Variants in POLR3B observed in about 807,000 individuals in gnomAD.
The protein encoded by POLR3B is RNA polymerase III subunit B.
Under a neutral mutation model 147.4 loss-of-function variants are expected in POLR3B, and 96 were observed. That is an observed-to-expected ratio of 0.65 (90% CI 0.55 to 0.77). The LOEUF is 0.77. Ranked by LOEUF, POLR3B falls within the 30% of genes least tolerant of loss-of-function variation. The probability of loss-of-function intolerance (pLI) is 0.00; values close to 1 mark genes in which losing one functional copy is unlikely to be tolerated. For synonymous variants in POLR3B, 461 were observed against 485.9 expected, an observed-to-expected ratio of 0.95 and a Z score of 0.67; for missense variants, 1,036 against 1,413.5, an observed-to-expected ratio of 0.73 and a Z score of 4.28.
intron 8 of POLR3B, among the ~76,000 whole-genome samples, chr12:106,379,830 A>T (rs957355118): frequency 2.0e-5 from 3 of 152,200 alleles, no homozygotes; most frequent in Non-Finnish European, 4.4e-5. Context: ...GTCAAAGAAA[A>T]ATTTATAGTG....
chr12:106,435,280 A>G lies in POLR3B; in HGVS notation c.1781+1408A>G, dbSNP rs143198516. 1.1e-3 allele frequency among the ~76,000 whole-genome samples: 154 copies of G among 140,906 alleles called. 1 individual carries two copies. The highest frequency in any genetic ancestry group is 2.1e-3 in the Non-Finnish European group (137 of 65,388). 92.4% of individuals were successfully genotyped at this position (140,906 alleles called of 152,430 possible). A position where few individuals can be genotyped will look rare whatever the true frequency, so the allele number is the denominator to read the frequency against. ...CCCCGTCCCTGACCCAGTAGCTGGG[A>G]TTACAGGCACACACCACTGCCCCTG... On this transcript the variant is annotated intron_variant, in intron 16 of 27. Transcript: ENST00000228347.
chr12:106,441,591 T>G (rs1285177696), intron 18 of POLR3B, among the ~76,000 whole-genome samples: 1 of 152,224 alleles, frequency 6.6e-6, no homozygotes, highest in Non-Finnish European at 1.5e-5. Context: ...CAAAATGTTA[T>G]GTGGTGTGTG....
At position 106,465,262 on chromosome 12, in the gene POLR3B, G is replaced by A. The variant is rs963628082; in HGVS notation, c.2713+1642G>A. On this transcript the variant is annotated intron_variant, in intron 23 of 27. Transcript: ENST00000228347. ...CTTACTTGGCCTCCTACTTGGACAA[G>A]AGCAAAGTTGATATTCTTCTTGTAA... Among the ~76,000 whole-genome samples the A allele has an allele frequency of 2.0e-5, 3 of 152,132 alleles. No individual in the cohort carries two copies. In the East Asian group the frequency reaches 5.8e-4, roughly 29 times the overall value.
intron 7 of POLR3B, among the ~76,000 whole-genome samples, 175 bp downstream of exon 7, chr12:106,376,625 C>CTTCCTTTTTTT (rs1555208963): frequency 5.6e-5 from 6 of 107,880 alleles, no homozygotes; most frequent in Non-Finnish European, 9.2e-5. Flanking sequence ...GTATTTCTTT[C>CTTCCTTTTTTT]TTTCTTTTTT....
chr12:106,500,527 G>A (rs2038581743), intron 25 of POLR3B, among the ~76,000 whole-genome samples: 1 of 152,210 alleles, frequency 6.6e-6, no homozygotes, highest in Non-Finnish European at 1.5e-5. Flanking sequence ...AGGGGCAAGT[G>A]CGCCAAAGGG....
intron 23 of POLR3B, among the ~76,000 whole-genome samples, chr12:106,471,654 C>T (rs1055565086): frequency 6.6e-6 from 1 of 152,054 alleles, no homozygotes; most frequent in African/African-American, 2.4e-5. Flanking sequence ...TTGTATTCTC[C>T]ATAAAGCCCA....
At chr12:106,365,280 C>T (rs912197057) in intron 2 of POLR3B, among the ~76,000 whole-genome samples, 3 of 152,140 alleles carry the variant, frequency 2.0e-5, no homozygotes, top group Non-Finnish European at 4.4e-5. Flanking sequence ...ATTTGAAAGC[C>T]GTGTTAAGGA....
At chr12:106,410,365 A>G (rs1353453093) in intron 11 of POLR3B, 7 of 158,682 alleles carry the variant, frequency 4.4e-5, no homozygotes, top group African/African-American at 1.7e-4. Flanking sequence ...TTACTAAATG[A>G]AATGTAGCCT....
At chr12:106,404,053 A>G (rs1414229362) in intron 10 of POLR3B, among the ~76,000 whole-genome samples, 1 of 150,486 alleles carries the variant, frequency 6.6e-6, no homozygotes, top group Non-Finnish European at 1.5e-5. Context: ...TGATTGTACC[A>G]TTTTGCATTT....
chr12:106,376,763 T>G (rs773777735), intron 7 of POLR3B, among the ~76,000 whole-genome samples: 6 of 152,102 alleles, frequency 3.9e-5, no homozygotes, highest in Non-Finnish European at 8.8e-5. Flanking sequence ...GACTACAGGC[T>G]TGTGCCACCA....
intron 10 of POLR3B, among the ~76,000 whole-genome samples, chr12:106,399,630 C>T (rs941037835): frequency 3.9e-5 from 6 of 152,220 alleles, no homozygotes; most frequent in Non-Finnish European, 5.9e-5. Flanking sequence ...GCGGATCTCT[C>T]AGCAGAAACT....
rs1445756594 is a variant in POLR3B, at chr12:106,439,937, T to C, written c.1955+2158T>C. Among the ~76,000 whole-genome samples, 3 of 152,096 alleles carry C rather than the reference T, an allele frequency of 2.0e-5. No homozygotes were observed. The East Asian group carries it at 5.8e-4, about 29-fold the overall frequency. On this transcript the variant is annotated intron_variant, in intron 18 of 27. Coordinates refer to ENST00000228347, the MANE Select transcript of POLR3B (RefSeq NM_018082.6). ...AGCCAAGTGTTGTGGTGTGCACCTA[T>C]GATCCCAGCTACTTGGGAGGCTGAG...
chr12:106,442,757 T>G (rs1190945857), intron 18 of POLR3B, among the ~76,000 whole-genome samples: 1 of 150,610 alleles, frequency 6.6e-6, no homozygotes, highest in Non-Finnish European at 1.5e-5. Flanking sequence ...CTGAAATTCT[T>G]AAGGTTACAC....
At chr12:106,441,349 A>G (rs985327124) in intron 18 of POLR3B, among the ~76,000 whole-genome samples, 114 of 152,164 alleles carry the variant, frequency 7.5e-4, no homozygotes, top group Middle Eastern at 3.4e-3. Flanking sequence ...ACAAACCTAG[A>G]TGGTGTCTGT....
chr12:106,389,104 G>A (rs1195255282), intron 9 of POLR3B, among the ~76,000 whole-genome samples: 1 of 152,162 alleles, frequency 6.6e-6, no homozygotes, highest in East Asian at 1.9e-4. Context: ...GTTTTCAGAT[G>A]TCTAAATTAT....
chr12:106,412,155 G>A (rs1433967385), intron 12 of POLR3B, among the ~76,000 whole-genome samples: 3 of 151,756 alleles, frequency 2.0e-5, no homozygotes, highest in Non-Finnish European at 1.5e-5. Context: ...GATAGACATT[G>A]TGGATAAGTT....
At chr12:106,365,992 C>T (rs1843817655) in intron 2 of POLR3B, among the ~76,000 whole-genome samples, 4 of 151,870 alleles carry the variant, frequency 2.6e-5, no homozygotes, top group Admixed American at 2.6e-4. Context: ...TGGACAGTAA[C>T]ACACATGGAG....
intron 22 of POLR3B, among the ~76,000 whole-genome samples, chr12:106,461,563 ACT>A (rs1239393337): frequency 1.3e-5 from 2 of 151,644 alleles, no homozygotes; most frequent in African/African-American, 4.9e-5. Flanking sequence ...AATCAGACAG[ACT>A]CTTTGATCGG....
At chr12:106,437,184 T>G in intron 17 of POLR3B, 53 bp downstream of exon 17, 2 of 1,168,164 alleles carry the variant, frequency 1.7e-6, no homozygotes, top group Admixed American at 1.8e-5. Context: ...ACATACATGA[T>G]TTAAGAAAAG....
Sources: allele counts gnomAD v4.1 joint callset (sites outside exome capture counted in the v4.1 genomes callset), GRCh38; gene constraint gnomAD v4.1.1; transcripts MANE v1.5; gene names NCBI Gene and HGNC (gene_info 2026-07-23, HGNC 2026-07-21).